IL1RAPL2: variants seen among roughly 807,000 people sequenced by gnomAD.
The protein encoded by IL1RAPL2 is X-linked interleukin-1 receptor accessory protein-like 2.
IL1RAPL2 carries 3 observed loss-of-function variants against 44.1 expected under a neutral mutation model. The ratio of observed to expected loss-of-function variants is 0.07; its 90% confidence interval spans 0.03 to 0.18. The LOEUF is 0.18. Ranked by LOEUF, IL1RAPL2 falls within the 10% of genes least tolerant of loss-of-function variation. The pLI is 1.00. For synonymous variants in IL1RAPL2, 181 were observed against 178.8 expected (o/e 1.01, Z -0.10); for missense variants, 391 against 496.4 (o/e 0.79, Z 2.02).
intron 5 of IL1RAPL2, among the ~76,000 whole-genome samples, chrX:105,294,193 A>G: frequency 8.9e-6 from 1 of 111,912 alleles, no homozygotes; most frequent in Admixed American, 9.5e-5. Context: ...TTATACTTTT[A>G]TCAAAAACCT....
At chrX:105,178,696 G>A (rs776783926) in intron 2 of IL1RAPL2, among the ~76,000 whole-genome samples, 1 of 111,657 alleles carries the variant, frequency 9.0e-6, no homozygotes, top group African/African-American at 3.2e-5. Context: ...CCTAATTAGG[G>A]CAAGATGATA....
intron 2 of IL1RAPL2, among the ~76,000 whole-genome samples, chrX:105,162,209 A>G (rs1318839177): frequency 1.8e-5 from 2 of 112,022 alleles, no homozygotes; most frequent in Admixed American, 9.5e-5. Context: ...TCAGTTTCCT[A>G]TATAAGTTGT....
rs1332822221 is a variant in IL1RAPL2, at chrX:104,630,291, G to A, written c.-19-28604G>A. Reference sequence around the variant, plus strand: ...GCCCCCTGAGTAGCTGAGATTACAGGCGCCCACCACTATGCCCAGCTAATT... The same window carrying A: ...GCCCCCTGAGTAGCTGAGATTACAGACGCCCACCACTATGCCCAGCTAATT... On this transcript the variant is annotated intron_variant, in intron 1 of 10. Transcript: ENST00000372582. Among the ~76,000 whole-genome samples, 6 of 110,416 alleles carry A rather than the reference G, an allele frequency of 5.4e-5. No individual in the cohort carries two copies. The East Asian group carries it at 1.4e-3, about 26-fold the overall frequency.
intron 1 of IL1RAPL2, among the ~76,000 whole-genome samples, chrX:104,624,921 T>G (rs2148009498): frequency 8.9e-6 from 1 of 111,870 alleles, no homozygotes; most frequent in South Asian, 3.8e-4. Flanking sequence ...GAAAAAAATA[T>G]TGTCCAATAA....
At chrX:104,830,443 A>G (rs768352193) in intron 2 of IL1RAPL2, among the ~76,000 whole-genome samples, 1 of 111,773 alleles carries the variant, frequency 8.9e-6, no homozygotes, top group African/African-American at 3.2e-5. Flanking sequence ...CAGTGTTTTT[A>G]TTCAAGATAT....
chrX:105,162,325 T>C (rs998012486), intron 2 of IL1RAPL2, among the ~76,000 whole-genome samples: 1 of 112,180 alleles, frequency 8.9e-6, no homozygotes, highest in Non-Finnish European at 1.9e-5. Flanking sequence ...TGGAAGACAT[T>C]AATTTTTTGC....
At chrX:105,445,836 T>C (rs1486612583) in intron 5 of IL1RAPL2, among the ~76,000 whole-genome samples, 2 of 111,444 alleles carry the variant, frequency 1.8e-5, no homozygotes, top group Non-Finnish European at 3.8e-5. Context: ...GGTTTATCCA[T>C]GTGCTGAGGA....
intron 2 of IL1RAPL2, among the ~76,000 whole-genome samples, chrX:104,936,163 C>T (rs978382413): frequency 4.5e-5 from 5 of 111,737 alleles, no homozygotes; most frequent in African/African-American, 9.8e-5. Context: ...CCATTTCATT[C>T]CCTGTCAAAT....
chrX:104,643,690 G>C (rs1056503929), intron 1 of IL1RAPL2, among the ~76,000 whole-genome samples: 2 of 111,399 alleles, frequency 1.8e-5, no homozygotes, highest in African/African-American at 6.5e-5. Context: ...TGAAAATGGA[G>C]GGAGGGGAGA....
At chrX:105,634,504 C>A (rs1299339766) in intron 6 of IL1RAPL2, among the ~76,000 whole-genome samples, 1 of 111,520 alleles carries the variant, frequency 9.0e-6, no homozygotes, top group Non-Finnish European at 1.9e-5. Flanking sequence ...AAGGGACAAG[C>A]AGGATTGTCC....
chrX:104,670,825 T>C (rs916675494), intron 2 of IL1RAPL2, among the ~76,000 whole-genome samples: 2 of 111,590 alleles, frequency 1.8e-5, no homozygotes, highest in South Asian at 7.5e-4. Context: ...TTTTCCATAA[T>C]ACTTGCAAAT....
chrX:105,286,658 G>A (rs1033443245), intron 5 of IL1RAPL2, among the ~76,000 whole-genome samples: 1 of 109,147 alleles, frequency 9.2e-6, no homozygotes, highest in Non-Finnish European at 1.9e-5. Context: ...CAGCCAGAAA[G>A]TTCAAACAAC....
rs57271887 is a variant in IL1RAPL2, at chrX:104,715,417, C to CAAA, written c.82+56437_82+56439dup. Among the ~76,000 whole-genome samples the CAAA allele has an allele frequency of 3.0e-4, 22 of 72,377 alleles. 1 individual carries two copies. Among genetic ancestry groups the CAAA allele is most frequent in the South Asian group, 1.6e-3 (2 of 1,231 alleles). 62.9% of individuals were successfully genotyped at this position (72,377 alleles called of 115,157 possible). A position where few individuals can be genotyped will look rare whatever the true frequency, so the allele number is the denominator to read the frequency against. ...TAGTCTATTTTATTTTCTATTTTTT[C>CAAA]AAAAAAAAAAAAAAAAACCAGATCC... On this transcript the variant is annotated intron_variant, in intron 2 of 10. Transcript: ENST00000372582.
At chrX:105,198,979 C>T (rs1569402070) in intron 3 of IL1RAPL2, among the ~76,000 whole-genome samples, 1 of 111,566 alleles carries the variant, frequency 9.0e-6, no homozygotes, top group Non-Finnish European at 1.9e-5. Flanking sequence ...TATAATTTTT[C>T]ATTGTAAAGT....
chrX:104,890,246 C>T lies in IL1RAPL2; in HGVS notation c.82+231251C>T, dbSNP rs182211341. Among the ~76,000 whole-genome samples the T allele has an allele frequency of 3.3e-3, 363 of 111,443 alleles. 1 individual carries two copies. Among genetic ancestry groups the T allele is most frequent in the African/African-American group, 0.011 (352 of 30,610 alleles). On this transcript the variant is annotated intron_variant, in intron 2 of 10. Coordinates refer to ENST00000372582, the MANE Select transcript of IL1RAPL2 (RefSeq NM_017416.2). Reference sequence around the variant, plus strand: ...AAGTTTTTGCTATCGTGAATAGTGCCGCAATAAACATACGTGTGCATGTAT... The same window carrying T: ...AAGTTTTTGCTATCGTGAATAGTGCTGCAATAAACATACGTGTGCATGTAT...
At chrX:105,023,921 C>A (rs957735188) in intron 2 of IL1RAPL2, among the ~76,000 whole-genome samples, 4 of 110,791 alleles carry the variant, frequency 3.6e-5, no homozygotes, top group African/African-American at 1.3e-4. Flanking sequence ...AGTTAAAATT[C>A]TCAGAGCCTA....
At position 105,307,264 on chromosome X, in the gene IL1RAPL2, C is replaced by CA. The variant is rs199872209; in HGVS notation, c.697+39733dup. Among the ~76,000 whole-genome samples the CA allele has an allele frequency of 4.2e-3, 397 of 95,004 alleles. 4 individuals carry two copies. The highest frequency in any genetic ancestry group is 0.014 in the African/African-American group (359 of 26,059). The allele number at this position is 95,004 out of a possible 115,157, so 82.5% of individuals were successfully genotyped here. On this transcript the variant is annotated intron_variant, in intron 5 of 10. Transcript: ENST00000372582. ...CAACATAGTGAGACCACATCTCTCC[C>CA]AAAAAAAAAATTTTTTTTTAAATTA...
intron 6 of IL1RAPL2, among the ~76,000 whole-genome samples, chrX:105,666,333 C>A (rs2037768582): frequency 9.1e-6 from 1 of 110,296 alleles, no homozygotes; most frequent in Non-Finnish European, 1.9e-5. Flanking sequence ...TCCCGTGGTG[C>A]CAACAATGCA....
At chrX:105,410,669 G>A (rs1440116414) in intron 5 of IL1RAPL2, among the ~76,000 whole-genome samples, 1 of 111,665 alleles carries the variant, frequency 9.0e-6, no homozygotes, top group East Asian at 2.8e-4. Flanking sequence ...ATCCAGCAAA[G>A]TAAGTTATCC....
Sources: gnomAD v4.1 joint callset for allele counts (sites outside exome capture counted in the v4.1 genomes callset) on GRCh38, gnomAD v4.1.1 for gene constraint, MANE v1.5 for transcripts, NCBI Gene and HGNC (gene_info 2026-07-23, HGNC 2026-07-21) for gene names.